Variants in FBXL15 observed in about 807,000 individuals in gnomAD.
The protein encoded by FBXL15 is F-box and leucine rich repeat protein 15.
In FBXL15, 19 loss-of-function variants were observed where a neutral mutation model predicts 23.6. That is an observed-to-expected ratio of 0.81 (90% CI 0.56 to 1.18). The LOEUF is 1.18. Among genes scored for constraint, FBXL15 ranks in the 50% most tolerant of loss-of-function variants. The pLI, the probability that FBXL15 is intolerant of heterozygous loss-of-function variation, is 0.00. For missense variants in FBXL15, 385 were observed against 425.4 expected, an observed-to-expected ratio of 0.91 and a Z score of 0.83; for synonymous variants, 224 against 207.7, an observed-to-expected ratio of 1.08 and a Z score of -0.67.
chr10:102,422,815 A>G lies in FBXL15; in HGVS notation c.725A>G (p.Glu242Gly), dbSNP rs1470241366. The change falls in exon 4 of 4, where the codon GAG (glutamate) becomes GGG (glycine). Residue 242 changes from glutamate to glycine, a missense_variant. Glu to Gly is a moderately conservative substitution (Grantham distance 98). Around this residue, in one of 2 missense-constraint regions of FBXL15, gnomAD observed 255 missense variants for 330.2 expected, o/e 0.77. Coordinates refer to ENST00000369956, the MANE Select transcript of FBXL15 (RefSeq NM_024326.4). ...TGCTCCTCCCTCAGGACATTGGCCG[A>G]GTACTGCCCCGTGCTGCGTTCGCTG... ...VGSDGVRTLA[E>G]YCPVLRSLRV... is the part of the protein sequence containing the mutation. 6.2e-7 allele frequency: 1 copy of G among 1,604,806 alleles called. No individual in the cohort carries two copies. Among genetic ancestry groups the G allele is most frequent in the Admixed American group, 1.7e-5 (1 of 59,904 alleles).
chr10:102,422,737 C>A, intron 3 of FBXL15, 67 bp from the exon 4 acceptor site: 2 of 1,490,642 alleles, frequency 1.3e-6, no homozygotes, highest in Non-Finnish European at 1.8e-6. Context: ...TGAGCCCGGG[C>A]CTCCACCTTA....
chr10:102,422,714 G>T, intron 3 of FBXL15, 90 bp from the exon 4 acceptor site: 2 of 1,389,268 alleles, frequency 1.4e-6, no homozygotes, highest in Non-Finnish European at 9.7e-7. Context: ...GCCGGAGCCA[G>T]TCCGAGGCTG....
chr10:102,421,359 T>C lies in FBXL15; in HGVS notation c.59T>C (p.Leu20Pro). Residue 20 changes from leucine (L) to proline (P), a missense_variant, in exon 2 of 4, where the codon CTG becomes CCG. Physicochemically the swap from Leu to Pro is moderately conservative, Grantham distance 98 (BLOSUM62 -3). This residue lies in a region of FBXL15 where 130 missense variants were observed against 95.1 expected (regional missense o/e 1.37). Transcript: ENST00000369956. ...CAACGCCCCTTTACTCGCAGGTTCC[T>C]GGACCTGCCCTGGGAAGACGTGCTG... ...GEQEPGAVRFLDLPWEDVLLP... is the reference protein window; with the variant it reads ...GEQEPGAVRFPDLPWEDVLLP... 1.9e-6 allele frequency: 3 copies of C among 1,556,924 alleles called. No individual in the cohort carries two copies. The highest frequency in any genetic ancestry group is 1.7e-6 in the Non-Finnish European group (2 of 1,151,964).
Position 102,422,176 on chromosome 10 carries a change from T to G in FBXL15, c.597T>G (p.Ser199=). ...QRRGAGLRSL[S]LAVNANVGDA... ...GCGGCGCTGGTCTCCGCAGCCTCTC[T>G]CTGGCCGTCAACGCCAACGTGGGGG... is the stretch of plus-strand genomic sequence containing the variant. Residue 199 remains serine, a synonymous_variant, in exon 3 of 4, where the codon TCT becomes TCG. Coordinates refer to ENST00000369956, the MANE Select transcript of FBXL15 (RefSeq NM_024326.4). 6.5e-7 allele frequency: 1 copy of G among 1,543,636 alleles called. No homozygotes were observed. Among genetic ancestry groups the G allele is most frequent in the Non-Finnish European group, 8.7e-7 (1 of 1,143,758 alleles).
At position 102,421,081 on chromosome 10, in the gene FBXL15, C is replaced by T; in HGVS notation, c.-49C>T. On this transcript the variant is annotated 5_prime_UTR_variant, in exon 1 of 4. Coordinates refer to ENST00000369956, the MANE Select transcript of FBXL15 (RefSeq NM_024326.4). ...AGGAGGCGGGTTTGGTGCGGCCACT[C>T]CAAGGCCAAAGCGAGAAAATCTTAC... 2 of 1,576,018 alleles carry T rather than the reference C, an allele frequency of 1.3e-6. No homozygotes were observed. The highest frequency in any genetic ancestry group is 1.7e-6 in the Non-Finnish European group (2 of 1,159,966).
rs749092843 is a variant in FBXL15, at chr10:102,422,020, C to A, written c.441C>A (p.Leu147=). ...EGCPRLQRLS[L]AHCDWVDGLA... Reference sequence around the variant, plus strand: ...GCCCACGCCTGCAGCGCCTGTCGCTCGCGCACTGTGACTGGGTGGACGGGC... The same window carrying A: ...GCCCACGCCTGCAGCGCCTGTCGCTAGCGCACTGTGACTGGGTGGACGGGC... Residue 147 remains leucine (L), a synonymous_variant, in exon 3 of 4, where the codon CTC becomes CTA. Transcript: ENST00000369956. 2.5e-6 allele frequency: 4 copies of A among 1,595,352 alleles called. No individual in the cohort carries two copies. The highest frequency in any genetic ancestry group is 3.4e-6 in the Non-Finnish European group (4 of 1,177,074).
chr10:102,420,881 C>CT lies in FBXL15; in HGVS notation c.-248dup. 7.2e-7 allele frequency: 1 copy of CT among 1,388,340 alleles called. No homozygotes were observed. Among genetic ancestry groups the CT allele is most frequent in the East Asian group, 2.8e-5 (1 of 35,704 alleles). 86.0% of individuals were successfully genotyped at this position (1,388,340 alleles called of 1,614,324 possible). On this transcript the variant is annotated 5_prime_UTR_variant, in exon 1 of 4. Transcript: ENST00000369956. ...TCAAGAGGACGACAGAAGCCAGTCTCTGATGCCCACCGCATTCTCCAGCTT... is the reference window on the plus strand; with the variant it reads ...TCAAGAGGACGACAGAAGCCAGTCTCTTGATGCCCACCGCATTCTCCAGCTT...
In FBXL15 at chr10:102,421,840, G is replaced by A. The variant is rs780600007; in HGVS notation, c.261G>A (p.Glu87=). ...TGGCCCGGCTGCTGCGGGATGCCGA[G>A]GGGCTGCAGGAGCTGGCACTGGCGC... ...AALARLLRDA[E]GLQELALAPC... is the part of the protein sequence containing the mutation. The change falls in exon 3 of 4, where the codon GAG becomes GAA. Residue 87 remains glutamate (E), a synonymous_variant. Coordinates refer to ENST00000369956, the MANE Select transcript of FBXL15 (RefSeq NM_024326.4). 5.7e-6 allele frequency: 9 copies of A among 1,588,756 alleles called. No homozygotes were observed. Among genetic ancestry groups the A allele is most frequent in the Non-Finnish European group, 7.7e-6 (9 of 1,173,142 alleles).
In FBXL15 at chr10:102,422,125, G is replaced by A. The variant is rs988263537; in HGVS notation, c.546G>A (p.Glu182=). ...CCGCCTGCCGCCAGCTCAAGGACGAGGCCATCGTGTACCTGGCGCAGAGGC... is the reference window on the plus strand; with the variant it reads ...CCGCCTGCCGCCAGCTCAAGGACGAAGCCATCGTGTACCTGGCGCAGAGGC... ...DLTACRQLKD[E]AIVYLAQRRG... The change falls in exon 3 of 4, where the codon GAG becomes GAA. Residue 182 remains glutamate (E), a synonymous_variant. Coordinates refer to ENST00000369956, the MANE Select transcript of FBXL15 (RefSeq NM_024326.4). 8.3e-6 allele frequency: 13 copies of A among 1,559,922 alleles called. No homozygotes were observed. The highest frequency in any genetic ancestry group is 9.5e-6 in the Non-Finnish European group (11 of 1,153,200).
chr10:102,422,424 C>T (rs2061575115), intron 3 of FBXL15, 132 bp downstream of exon 3: 7 of 1,163,558 alleles, frequency 6.0e-6, no homozygotes, highest in African/African-American at 1.6e-5. Flanking sequence ...CCATTCTGAA[C>T]AGAAAGGGCC....
chr10:102,421,364 C>A lies in FBXL15; in HGVS notation c.64C>A (p.Leu22Met). 1 of 1,558,490 alleles carries A rather than the reference C, an allele frequency of 6.4e-7. No individual in the cohort carries two copies. The change falls in exon 2 of 4, where the codon CTG becomes ATG. Residue 22 changes from leucine (L) to methionine (M), a missense_variant. Transcript: ENST00000369956. The stretch of plus-strand genomic sequence containing the variant: ...CCCCTTTACTCGCAGGTTCCTGGAC[C>A]TGCCCTGGGAAGACGTGCTGCTCCC... ...QEPGAVRFLD[L>M]PWEDVLLPHV...
In FBXL15 at chr10:102,423,130, T is replaced by TA; in HGVS notation, c.*138dup. ...CTGGAGCTTCAAATAAAGAGCTTTT[T>TA]ACCCCCTCTTGCCTGGTGCTGCCCT... is the stretch of plus-strand genomic sequence containing the variant. On this transcript the variant is annotated 3_prime_UTR_variant, in exon 4 of 4. Transcript: ENST00000369956. The surrounding 1 kb of genome is among the most constrained non-coding windows in gnomAD (Gnocchi z 5.6). 1 of 977,318 alleles carries TA rather than the reference T, an allele frequency of 1.0e-6. No individual in the cohort carries two copies. The highest frequency in any genetic ancestry group is 1.6e-5 in the African/African-American group (1 of 60,884). The allele number at this position is 977,318 out of a possible 1,614,324, so 60.5% of individuals were successfully genotyped here.
In FBXL15 at chr10:102,421,143, TGGAGCCGTCCGGAGGGGAGCAAGAGCCC is replaced by T. The variant is rs764773958; in HGVS notation, c.24_51del (p.Gly10SerfsTer15). ...AATAGACAGCCGATGGAGCCACCGA[TGGAGCCGTCCGGAGGGGAGCAAGAGCCC>T]GGAGCCGTCAGGTACCGAGCACCGG... On this transcript the variant is annotated frameshift_variant, in exon 1 of 4. Transcript: ENST00000369956. LOFTEE classifies it high-confidence loss of function. 20 of 1,611,082 alleles carry T rather than the reference TGGAGCCGTCCGGAGGGGAGCAAGAGCCC, an allele frequency of 1.2e-5. No homozygotes were observed. Among genetic ancestry groups the T allele is most frequent in the Admixed American group, 8.4e-5 (5 of 59,682 alleles).
At position 102,422,485 on chromosome 10, in the gene FBXL15, C is replaced by T. The variant is rs150204452; in HGVS notation, c.713+193C>T. 2.2e-4 allele frequency among the ~76,000 whole-genome samples: 34 copies of T among 152,310 alleles called. No individual in the cohort carries two copies. The East Asian group carries it at 3.9e-3, about 17-fold the overall frequency. On this transcript the variant is annotated intron_variant, in intron 3 of 3. Coordinates refer to ENST00000369956, the MANE Select transcript of FBXL15 (RefSeq NM_024326.4). ...CCATAGTTTAAAAACTTTTTTCAAC[C>T]AATGTTTACACATTGGGAGATTTCA... is the stretch of plus-strand genomic sequence containing the variant.
chr10:102,422,314 G>T, intron 3 of FBXL15, 22 bp downstream of exon 3: 1 of 1,490,234 alleles, frequency 6.7e-7, no homozygotes, highest in South Asian at 1.4e-5. Flanking sequence ...TGATAGGGCG[G>T]GAGGAGGGCA....
intron 3 of FBXL15, 40 bp from the exon 4 acceptor site, chr10:102,422,764 G>A (rs1438282577): frequency 1.3e-6 from 2 of 1,565,874 alleles, no homozygotes; most frequent in South Asian, 1.1e-5. Context: ...CAAAGGTGTG[G>A]TGGCCTCATG....
Position 102,423,125 on chromosome 10 carries a change from C to G in FBXL15, c.*132C>G. 1 of 1,015,314 alleles carries G rather than the reference C, an allele frequency of 9.8e-7. No individual in the cohort carries two copies. Among genetic ancestry groups the G allele is most frequent in the Non-Finnish European group, 1.4e-6 (1 of 703,778 alleles). 62.9% of individuals were successfully genotyped at this position (1,015,314 alleles called of 1,614,324 possible). ...CCACCCTGGAGCTTCAAATAAAGAG[C>G]TTTTTACCCCCTCTTGCCTGGTGCT... On this transcript the variant is annotated 3_prime_UTR_variant, in exon 4 of 4. Coordinates refer to ENST00000369956, the MANE Select transcript of FBXL15 (RefSeq NM_024326.4). This position sits in a 1 kb window ranked among gnomAD's most constrained non-coding sequence, Gnocchi z 5.6.
Position 102,421,909 on chromosome 10 carries a change from G to A in FBXL15, c.330G>A (p.Leu110=). 3 of 1,606,146 alleles carry A rather than the reference G, an allele frequency of 1.9e-6. No homozygotes were observed. Among genetic ancestry groups the A allele is most frequent in the Non-Finnish European group, 2.5e-6 (3 of 1,179,316 alleles). Residue 110 remains leucine, a synonymous_variant, in exon 3 of 4, where the codon CTG becomes CTA. Transcript: ENST00000369956. ...WLSDEDLVPV[L]ARNPQLRSVA... is the part of the protein sequence containing the mutation. ...CAGACGAGGACCTGGTGCCGGTGCT[G>A]GCGCGGAATCCGCAGCTGCGGAGTG...
chr10:102,420,971 C>G lies in FBXL15; in HGVS notation c.-159C>G. 1 of 1,518,074 alleles carries G rather than the reference C, an allele frequency of 6.6e-7. No individual in the cohort carries two copies. Among genetic ancestry groups the G allele is most frequent in the South Asian group, 1.3e-5 (1 of 78,618 alleles). The allele number at this position is 1,518,074 out of a possible 1,614,324, so 94.0% of individuals were successfully genotyped here. On this transcript the variant is annotated 5_prime_UTR_variant, in exon 1 of 4. Coordinates refer to ENST00000369956, the MANE Select transcript of FBXL15 (RefSeq NM_024326.4). ...GTTACACCACCGGTCTGTTCCGCCT[C>G]CGTTTCGGGGTCCACCCGAAAAGCT...
Sources: gnomAD v4.1 joint callset for allele counts (sites outside exome capture counted in the v4.1 genomes callset) on GRCh38, gnomAD v4.1.1 for gene constraint, gnomAD v4.1.1 regional missense constraint, Gnocchi (gnomAD v3.1) non-coding constraint, MANE v1.5 for transcripts, NCBI Gene and HGNC (gene_info 2026-07-23, HGNC 2026-07-21) for gene names.